CRTC1: variants seen among roughly 807,000 people sequenced by gnomAD.
CRTC1 encodes CREB regulated transcription coactivator 1, also known as CREB-regulated transcription coactivator 1.
CRTC1 carries 18 observed loss-of-function variants against 66.1 expected under a neutral mutation model. The ratio of observed to expected loss-of-function variants is 0.27; its 90% CI spans 0.19 to 0.40. The LOEUF is 0.40. CRTC1 is among the 10% of genes least tolerant of loss of function. The pLI, the probability that CRTC1 is intolerant of heterozygous loss-of-function variation, is 1.00. For synonymous variants in CRTC1, 416 were observed against 398.8 expected (o/e 1.04, Z -0.51); for missense variants, 669 against 887.9 (o/e 0.75, Z 3.13).
chr19:18,764,646 C>T (rs927763022), intron 8 of CRTC1, among the ~76,000 whole-genome samples: 10 of 152,160 alleles, frequency 6.6e-5, no homozygotes, highest in Non-Finnish European at 1.5e-4. Flanking sequence ...TGTGTCAGAC[C>T]CCAGGGCAGA....
intron 1 of CRTC1, among the ~76,000 whole-genome samples, chr19:18,742,162 C>T (rs2054125880): frequency 6.6e-6 from 1 of 152,196 alleles, no homozygotes. Context: ...GCATCAGCCA[C>T]ATGAAGGGGA....
At chr19:18,716,572 C>A (rs921236937) in intron 1 of CRTC1, among the ~76,000 whole-genome samples, 1 of 152,168 alleles carries the variant, frequency 6.6e-6, no homozygotes, top group Admixed American at 6.5e-5. Flanking sequence ...ACTCTTAGCC[C>A]AGGTGCAGCC....
chr19:18,731,508 G>T (rs1348621028), intron 1 of CRTC1, among the ~76,000 whole-genome samples: 1 of 152,188 alleles, frequency 6.6e-6, no homozygotes, highest in Non-Finnish European at 1.5e-5. Flanking sequence ...AATTACATCT[G>T]CAGAAACTCT....
Position 18,772,892 on chromosome 19 carries a change from G to A in CRTC1, c.1425+1346G>A, listed in dbSNP as rs541203435. On this transcript the variant is annotated intron_variant, in intron 11 of 13. Transcript: ENST00000321949. ...ATGGGGCTGGAGGGGCTGGAGAAGC[G>A]GCAGGTGAGGCCTGTCCCAGGTGGG... Among the ~76,000 whole-genome samples the A allele has an allele frequency of 3.3e-5, 5 of 152,310 alleles. No homozygotes were observed. In the East Asian group the frequency reaches 7.7e-4, roughly 24 times the overall value.
At position 18,777,255 on chromosome 19, in the gene CRTC1, G is replaced by A. The variant is rs893712217; in HGVS notation, c.1778G>A (p.Ser593Asn). The change falls in exon 14 of 14, where the codon AGC becomes AAC. Residue 593 changes from serine (S) to asparagine (N), a missense_variant. By Grantham distance (46) the Ser-to-Asn change is conservative (BLOSUM62 1). Coordinates refer to ENST00000321949, the MANE Select transcript of CRTC1 (RefSeq NM_015321.3). This position sits in a 1 kb window ranked among gnomAD's most constrained non-coding sequence, Gnocchi z 5.5. ...GVGDVSFDSD[S>N]QFPLDELKID... ...GGCGACGTCAGCTTCGACTCCGACAGCCAGTTTCCCCTGGACGAACTCAAG... is the reference window on the plus strand; with the variant it reads ...GGCGACGTCAGCTTCGACTCCGACAACCAGTTTCCCCTGGACGAACTCAAG... 2.5e-6 allele frequency: 4 copies of A among 1,612,088 alleles called. No homozygotes were observed. In the East Asian group the frequency reaches 6.7e-5, roughly 27 times the overall value.
At position 18,691,025 on chromosome 19, in the gene CRTC1, C is replaced by CA. The variant is rs751088340; in HGVS notation, c.126+7218dup. Among the ~76,000 whole-genome samples, 319 of 57,958 alleles carry CA rather than the reference C, an allele frequency of 5.5e-3. 4 individuals carry two copies. The highest frequency in any genetic ancestry group is 0.035 in the South Asian group (68 of 1,942). The allele number at this position is 57,958 out of a possible 152,430, so 38.0% of individuals were successfully genotyped here. The stretch of plus-strand genomic sequence containing the variant: ...TGGATGACAGAGCGAGACTCCGTCT[C>CA]AAAAAAAAAAAAAAAAAAAAAGAAG... On this transcript the variant is annotated intron_variant, in intron 1 of 13. Coordinates refer to ENST00000321949, the MANE Select transcript of CRTC1 (RefSeq NM_015321.3).
intron 1 of CRTC1, among the ~76,000 whole-genome samples, chr19:18,708,098 C>T (rs1197293703): frequency 6.6e-6 from 1 of 152,056 alleles, no homozygotes; most frequent in African/African-American, 2.4e-5. Context: ...GTTGCCGGTG[C>T]AAGAGGTGGG....
chr19:18,700,049 C>T (rs953551589), intron 1 of CRTC1, among the ~76,000 whole-genome samples: 3 of 152,118 alleles, frequency 2.0e-5, no homozygotes, highest in South Asian at 2.1e-4. Context: ...GGGTTGGCGA[C>T]GGGAGGGTTA....
At chr19:18,769,087 C>T (rs1441695435) in intron 10 of CRTC1, among the ~76,000 whole-genome samples, 4 of 152,242 alleles carry the variant, frequency 2.6e-5, no homozygotes, top group Non-Finnish European at 1.5e-5. Flanking sequence ...CTGGCCCCTC[C>T]CACCTGAAGC....
At chr19:18,726,929 GAAAAAAAAAA>G (rs57708407) in intron 1 of CRTC1, among the ~76,000 whole-genome samples, 12 of 111,908 alleles carry the variant, frequency 1.1e-4, no homozygotes, top group East Asian at 2.8e-4. Context: ...CCGTCTTGGG[GAAAAAAAAAA>G]AAAAAAAAAA....
chr19:18,691,247 G>A (rs756741189), intron 1 of CRTC1, among the ~76,000 whole-genome samples: 2 of 151,682 alleles, frequency 1.3e-5, no homozygotes, highest in Non-Finnish European at 2.9e-5. Context: ...CAGGCACAGT[G>A]GCTCACGCCT....
At position 18,768,610 on chromosome 19, in the gene CRTC1, G is replaced by A. The variant is rs1049226592; in HGVS notation, c.1137G>A (p.Gln379=). ...PPPPPPPASQ[Q]PPPPPPPQAP... ...CGCCTCCTCCACCCGCGTCCCAGCA[G>A]CCACCACCCCCGCCACCCCCACAGG... is the stretch of plus-strand genomic sequence containing the variant. The change falls in exon 10 of 14, where the codon CAG becomes CAA. Residue 379 remains glutamine, a synonymous_variant. Transcript: ENST00000321949. The surrounding 1 kb of genome is among the most constrained non-coding windows in gnomAD (Gnocchi z 5.6). 4 of 1,512,772 alleles carry A rather than the reference G, an allele frequency of 2.6e-6. No homozygotes were observed. Among genetic ancestry groups the A allele is most frequent in the African/African-American group, 2.8e-5 (2 of 72,056 alleles). 93.7% of individuals were successfully genotyped at this position (1,512,772 alleles called of 1,614,324 possible). A position where few individuals can be genotyped will look rare whatever the true frequency, so the allele number is the denominator to read the frequency against.
intron 5 of CRTC1, among the ~76,000 whole-genome samples, chr19:18,752,778 C>T (rs894532965): frequency 3.3e-5 from 5 of 151,864 alleles, no homozygotes; most frequent in African/African-American, 1.2e-4. Flanking sequence ...GCTGGGATTA[C>T]GAGTCCTGAC....
intron 3 of CRTC1, 75 bp downstream of exon 3, chr19:18,746,035 A>AG (rs2054228680): frequency 4.6e-6 from 7 of 1,520,892 alleles, no homozygotes; most frequent in Non-Finnish European, 6.2e-6. Context: ...TTTACCCAGC[A>AG]GGTTCTGACA....
At position 18,779,457 on chromosome 19, in the gene CRTC1, C is replaced by CTT. The variant is rs538414217; in HGVS notation, c.*2088_*2089dup. 2.5e-4 allele frequency: 48 copies of CTT among 189,642 alleles called. No individual in the cohort carries two copies. The highest frequency in any genetic ancestry group is 3.3e-4 in the Non-Finnish European group (31 of 94,342). 11.7% of individuals were successfully genotyped at this position (189,642 alleles called of 1,614,324 possible). On this transcript the variant is annotated 3_prime_UTR_variant, in exon 14 of 14. Coordinates refer to ENST00000321949, the MANE Select transcript of CRTC1 (RefSeq NM_015321.3). ...AGAGGCTGGGGGCAGACAGCGGGGA[C>CTT]TTTTTTTTTTTTTTAAGAAAAACTA...
At chr19:18,739,366 C>A (rs1444097308) in intron 1 of CRTC1, among the ~76,000 whole-genome samples, 1 of 152,212 alleles carries the variant, frequency 6.6e-6, no homozygotes, top group Non-Finnish European at 1.5e-5. Flanking sequence ...TTGCCTGGGC[C>A]AGCTGAGGAA....
chr19:18,727,690 G>T (rs1456980762), intron 1 of CRTC1, among the ~76,000 whole-genome samples: 3 of 151,652 alleles, frequency 2.0e-5, no homozygotes, highest in African/African-American at 7.3e-5. Flanking sequence ...GTCAGCAGCC[G>T]CAACAGCTGG....
chr19:18,757,050 G>A (rs2054505085), intron 6 of CRTC1, among the ~76,000 whole-genome samples: 1 of 152,212 alleles, frequency 6.6e-6, no homozygotes, highest in Non-Finnish European at 1.5e-5. Flanking sequence ...GTTGGGCATT[G>A]CCCCCTCACG....
At chr19:18,686,907 G>C (rs1038707038) in intron 1 of CRTC1, among the ~76,000 whole-genome samples, 1 of 152,050 alleles carries the variant, frequency 6.6e-6, no homozygotes, top group Admixed American at 6.6e-5. Flanking sequence ...CATCTGGTGG[G>C]TGGAGGCTGG....
Sources: allele counts gnomAD v4.1 joint callset (sites outside exome capture counted in the v4.1 genomes callset), GRCh38; gene constraint gnomAD v4.1.1; non-coding constraint Gnocchi (gnomAD v3.1); transcripts MANE v1.5; gene names NCBI Gene and HGNC (gene_info 2026-07-23, HGNC 2026-07-21).